Variants in ANO2 observed in about 807,000 individuals in gnomAD.
ANO2 encodes anoctamin-2.
ANO2 carries 101 observed loss-of-function variants against 124.2 expected under a neutral mutation model. The ratio of observed to expected loss-of-function variants is 0.81; its 90% CI spans 0.69 to 0.96. The LOEUF is 0.96. Among genes scored for constraint, ANO2 ranks in the 40% least tolerant of loss-of-function variants. The pLI is 0.00. For missense variants in ANO2, 1,293 were observed against 1,274.5 expected (o/e 1.01, Z -0.22); for synonymous variants, 486 against 482.5 (o/e 1.01, Z -0.09).
chr12:5,763,133 G>A (rs1408420776), intron 10 of ANO2, among the ~76,000 whole-genome samples: 1 of 151,816 alleles, frequency 6.6e-6, no homozygotes, highest in African/African-American at 2.4e-5. Flanking sequence ...AAATATTTTT[G>A]ACCTTGAACC....
intron 13 of ANO2, among the ~76,000 whole-genome samples, chr12:5,734,561 G>C (rs979571759): frequency 1.3e-5 from 2 of 152,194 alleles, no homozygotes; most frequent in Admixed American, 1.3e-4. Flanking sequence ...GCACACAGAG[G>C]AGTTTGCTTG....
At chr12:5,707,084 C>G (rs114930599) in intron 14 of ANO2, among the ~76,000 whole-genome samples, 32 of 152,230 alleles carry the variant, frequency 2.1e-4, no homozygotes, top group African/African-American at 7.7e-4. Context: ...CCCCACATGT[C>G]GAGGGAGGGA....
At chr12:5,607,953 C>T (rs573631779) in intron 19 of ANO2, among the ~76,000 whole-genome samples, 4 of 152,124 alleles carry the variant, frequency 2.6e-5, no homozygotes, top group South Asian at 4.2e-4. Context: ...AAATGTAATG[C>T]AGTTGAATCA....
chr12:5,865,196 T>C (rs1250058799), intron 3 of ANO2, among the ~76,000 whole-genome samples: 1 of 152,200 alleles, frequency 6.6e-6, no homozygotes, highest in African/African-American at 2.4e-5. Context: ...CCTAACAAAG[T>C]TCAATTCAAC....
chr12:5,594,844 AAAC>A (rs746557124), intron 20 of ANO2, among the ~76,000 whole-genome samples: 16 of 152,040 alleles, frequency 1.1e-4, no homozygotes, highest in African/African-American at 3.1e-4. Flanking sequence ...TGTCAAAACA[AAAC>A]AACAACAACA....
intron 3 of ANO2, among the ~76,000 whole-genome samples, chr12:5,915,747 G>A (rs921367161): frequency 6.6e-6 from 1 of 152,204 alleles, no homozygotes; most frequent in African/African-American, 2.4e-5. Context: ...TCTTAACATG[G>A]TGAAAAGTTG....
At chr12:5,731,708 G>C (rs569315936) in intron 14 of ANO2, among the ~76,000 whole-genome samples, 1 of 151,552 alleles carries the variant, frequency 6.6e-6, no homozygotes, top group African/African-American at 2.4e-5. Flanking sequence ...GTTTTTTTAC[G>C]AACCACAGCA....
chr12:5,815,174 G>T (rs961538761), intron 7 of ANO2, among the ~76,000 whole-genome samples: 24 of 152,184 alleles, frequency 1.6e-4, no homozygotes, highest in Non-Finnish European at 7.3e-5. Flanking sequence ...CTAATGCGAT[G>T]TCCCTTTTCC....
chr12:5,891,491 CAAAGAGG>C (rs1939398174), intron 3 of ANO2, among the ~76,000 whole-genome samples: 1 of 152,132 alleles, frequency 6.6e-6, no homozygotes, highest in Admixed American at 6.5e-5. Context: ...TGAAGGATGG[CAAAGAGG>C]GTCTCAGGGG....
chr12:5,837,705 T>C (rs977189789), intron 4 of ANO2, among the ~76,000 whole-genome samples: 2 of 151,678 alleles, frequency 1.3e-5, no homozygotes, highest in African/African-American at 4.8e-5. Flanking sequence ...TGGGACGCAT[T>C]CAAAGCAGTG....
In ANO2 at chr12:5,728,408, C is replaced by CA. The variant is rs1324112207; in HGVS notation, c.1545+4111dup. Among the ~76,000 whole-genome samples, 9 of 151,630 alleles carry CA rather than the reference C, an allele frequency of 5.9e-5. No homozygotes were observed. In the Middle Eastern group the frequency reaches 0.014, roughly 229 times the overall value. ...AAGAAAACTATATTTTCAATAGCAT[C>CA]AAAAAAATAAAATAATTATCAATAA... On this transcript the variant is annotated intron_variant, in intron 14 of 24. Transcript: ENST00000682330.
intron 3 of ANO2, among the ~76,000 whole-genome samples, chr12:5,917,361 A>AG (rs1941440292): frequency 1.0e-4 from 2 of 19,084 alleles, no homozygotes; most frequent in Admixed American, 2.3e-3. Context: ...GTACATGCTA[A>AG]GAAAAAAAAA....
At chr12:5,721,699 G>A (rs776320372) in intron 14 of ANO2, among the ~76,000 whole-genome samples, 3 of 152,040 alleles carry the variant, frequency 2.0e-5, no homozygotes, top group Non-Finnish European at 2.9e-5. Context: ...GTAGAGACAC[G>A]GTCTTACTAC....
chr12:5,892,077 AT>A (rs755053009), intron 3 of ANO2, among the ~76,000 whole-genome samples: 7 of 152,262 alleles, frequency 4.6e-5, no homozygotes, highest in South Asian at 2.1e-4. Flanking sequence ...GAAAAAAAAA[AT>A]AGAAGACATA....
At chr12:5,770,015 A>G (rs187266944) in intron 10 of ANO2, among the ~76,000 whole-genome samples, 1 of 152,308 alleles carries the variant, frequency 6.6e-6, no homozygotes. Context: ...AATAGATGAG[A>G]GAATGGAAGC....
intron 17 of ANO2, 114 bp from the exon 18 acceptor site, chr12:5,613,072 C>A: frequency 2.9e-6 from 3 of 1,024,022 alleles, no homozygotes; most frequent in South Asian, 2.7e-5. Flanking sequence ...AAGCACTGGT[C>A]AGGGCGAGTG....
chr12:5,591,934 A>T (rs1943414167), intron 20 of ANO2, among the ~76,000 whole-genome samples: 1 of 152,212 alleles, frequency 6.6e-6, no homozygotes, highest in South Asian at 2.1e-4. Flanking sequence ...GTCAGAGCCA[A>T]GTCTGAAAGA....
At chr12:5,611,396 A>G (rs1944539890) in intron 19 of ANO2, among the ~76,000 whole-genome samples, 4 of 146,332 alleles carry the variant, frequency 2.7e-5, no homozygotes, top group Admixed American at 2.7e-4. Flanking sequence ...CCAGACTAAA[A>G]AGTTAAGCTC....
At chr12:5,924,883 G>A (rs575585731) in intron 1 of ANO2, among the ~76,000 whole-genome samples, 20 of 152,214 alleles carry the variant, frequency 1.3e-4, no homozygotes, top group African/African-American at 4.3e-4. Context: ...CATTCTTAAC[G>A]TTGGCAAAAT....
Sources: gnomAD v4.1 joint callset for allele counts (sites outside exome capture counted in the v4.1 genomes callset) on GRCh38, gnomAD v4.1.1 for gene constraint, MANE v1.5 for transcripts, NCBI Gene and HGNC (gene_info 2026-07-23, HGNC 2026-07-21) for gene names.